The following NEK1 variants were observed in gnomAD, a reference collection of about 807,000 sequenced individuals.
NEK1 encodes the protein NIMA related kinase 1.
NEK1 carries 137 observed loss-of-function variants against 182.1 expected under a neutral mutation model. The ratio of observed to expected loss-of-function variants is 0.75; its 90% CI spans 0.65 to 0.87. The LOEUF (loss-of-function observed/expected upper bound fraction) is 0.87, where lower values mean the gene tolerates loss of function less well. Ranked by LOEUF, NEK1 falls within the 40% of genes least tolerant of loss-of-function variation. The pLI is 0.00. For synonymous variants in NEK1, 513 were observed against 492.2 expected, an observed-to-expected ratio of 1.04 and a Z score of -0.56; for missense variants, 1,391 against 1,494.4, an observed-to-expected ratio of 0.93 and a Z score of 1.14.
At chr4:169,515,441 C>T (rs934295484) in intron 19 of NEK1, among the ~76,000 whole-genome samples, 3 of 150,290 alleles carry the variant, frequency 2.0e-5, no homozygotes, top group Admixed American at 2.0e-4. Flanking sequence ...TTAGTTTCTG[C>T]TCTCTATATT....
intron 18 of NEK1, among the ~76,000 whole-genome samples, chr4:169,550,712 T>C (rs1319953867): frequency 1.3e-5 from 2 of 152,224 alleles, no homozygotes; most frequent in Non-Finnish European, 2.9e-5. Flanking sequence ...TCCATTATAT[T>C]GTGGATTCAT....
Position 169,505,362 on chromosome 4 carries a change from T to G in NEK1, c.2007+1675A>C, listed in dbSNP as rs188367728. 2.5e-4 allele frequency among the ~76,000 whole-genome samples: 38 copies of G among 152,252 alleles called. 2 individuals are homozygous for G. Among genetic ancestry groups the G allele is most frequent in the African/African-American group, 8.9e-4 (37 of 41,536 alleles). On this transcript the variant is annotated intron_variant, in intron 23 of 35. Coordinates refer to ENST00000507142, the MANE Select transcript of NEK1 (RefSeq NM_001199397.3). ...AGCCTACTCCACCTGAAGATGAGCATGAAGACCTTTATGATGATCCACTTC... is the reference window on the plus strand; with the variant it reads ...AGCCTACTCCACCTGAAGATGAGCAGGAAGACCTTTATGATGATCCACTTC...
At chr4:169,566,657 G>T (rs771326519) in intron 12 of NEK1, among the ~76,000 whole-genome samples, 2 of 152,152 alleles carry the variant, frequency 1.3e-5, no homozygotes, top group Non-Finnish European at 2.9e-5. Context: ...TTAAATTTGT[G>T]CAATTAAAAC....
At chr4:169,555,882 T>C (rs769914538) in intron 17 of NEK1, 31 bp from the exon 18 acceptor site, 3 of 1,613,504 alleles carry the variant, frequency 1.9e-6, no homozygotes, top group Admixed American at 3.3e-5. Context: ...TGACTTTCAT[T>C]ACTATCTCAG....
At chr4:169,545,535 G>C (rs1472686479) in intron 18 of NEK1, among the ~76,000 whole-genome samples, 1 of 149,644 alleles carries the variant, frequency 6.7e-6, no homozygotes, top group African/African-American at 2.5e-5. Context: ...CTTTATAGCA[G>C]CATGATTTAT....
chr4:169,438,603 C>T (rs1738854347), intron 27 of NEK1, among the ~76,000 whole-genome samples: 9 of 152,138 alleles, frequency 5.9e-5, no homozygotes, highest in Admixed American at 5.9e-4. Flanking sequence ...AAATTCTCCA[C>T]ACTAAGGAGA....
At chr4:169,476,366 T>G (rs2149545711) in intron 26 of NEK1, among the ~76,000 whole-genome samples, 1 of 152,248 alleles carries the variant, frequency 6.6e-6, no homozygotes, top group East Asian at 1.9e-4. Context: ...CTTGCCTGCC[T>G]TTCCACTAGA....
At chr4:169,542,510 T>C (rs965664634) in intron 18 of NEK1, among the ~76,000 whole-genome samples, 2 of 152,240 alleles carry the variant, frequency 1.3e-5, no homozygotes, top group South Asian at 2.1e-4. Context: ...CCTTTGGGTA[T>C]ATACCCAGTA....
Position 169,392,820 on chromosome 4 carries a change from G to A in NEK1, c.*1690C>T, listed in dbSNP as rs1733636489. 1 of 152,116 alleles carries A rather than the reference G, an allele frequency of 6.6e-6. No individual in the cohort carries two copies. The highest frequency in any genetic ancestry group is 1.5e-5 in the Non-Finnish European group (1 of 68,020). 9.4% of individuals were successfully genotyped at this position (152,116 alleles called of 1,614,324 possible). On this transcript the variant is annotated 3_prime_UTR_variant, in exon 36 of 36. Coordinates refer to ENST00000507142, the MANE Select transcript of NEK1 (RefSeq NM_001199397.3). ...AAGTTATCCTGATAGCCCATTTAAT[G>A]CTAACATTTATTAATCTACAGATGC...
chr4:169,452,299 T>C (rs1036315830), intron 27 of NEK1, among the ~76,000 whole-genome samples: 1 of 152,082 alleles, frequency 6.6e-6, no homozygotes, highest in South Asian at 2.1e-4. Context: ...AAAGAGGGAA[T>C]CCTCCCTAAC....
intron 19 of NEK1, among the ~76,000 whole-genome samples, chr4:169,527,921 A>G (rs1757124693): frequency 6.6e-6 from 1 of 152,166 alleles, no homozygotes; most frequent in Admixed American, 6.5e-5. Context: ...TAAAAAAACT[A>G]TAAATTCACT....
chr4:169,590,538 A>C (rs891081548), intron 6 of NEK1, among the ~76,000 whole-genome samples, 188 bp downstream of exon 6: 13 of 152,048 alleles, frequency 8.5e-5, no homozygotes, highest in Non-Finnish European at 1.2e-4. Flanking sequence ...CTGGGAAGGA[A>C]AGTAATTTTT....
intron 19 of NEK1, among the ~76,000 whole-genome samples, chr4:169,515,234 G>A (rs7669099): frequency 0.19 from 28,155 of 152,006 alleles, 2,733 homozygotes; most frequent in African/African-American, 0.24. Flanking sequence ...TTTTTGATGG[G>A]TGCTTAAAAT....
intron 18 of NEK1, among the ~76,000 whole-genome samples, chr4:169,547,848 G>A (rs902400327): frequency 6.6e-6 from 1 of 152,046 alleles, no homozygotes; most frequent in African/African-American, 2.4e-5. Context: ...CTTTAAACTG[G>A]TTATTCTAGT....
At chr4:169,523,542 C>T (rs1250465824) in intron 19 of NEK1, among the ~76,000 whole-genome samples, 2 of 152,164 alleles carry the variant, frequency 1.3e-5, no homozygotes, top group Non-Finnish European at 2.9e-5. Context: ...AACAGATTCT[C>T]CCTCAAAGCC....
chr4:169,476,419 T>C (rs1364172921), intron 26 of NEK1, among the ~76,000 whole-genome samples: 2 of 152,138 alleles, frequency 1.3e-5, no homozygotes. Context: ...TAAACATTAT[T>C]ATATTCCCAT....
chr4:169,491,921 C>G (rs543422892), intron 23 of NEK1, among the ~76,000 whole-genome samples: 15 of 152,250 alleles, frequency 9.9e-5, no homozygotes, highest in Admixed American at 6.5e-4. Context: ...AAATTGTTAT[C>G]AGCTTAAAAT....
chr4:169,413,845 C>T (rs886742897), intron 31 of NEK1, among the ~76,000 whole-genome samples: 4 of 152,106 alleles, frequency 2.6e-5, no homozygotes, highest in East Asian at 1.9e-4. Flanking sequence ...GGTGAAACTC[C>T]GTCTCCACTA....
chr4:169,547,767 T>C (rs976834100), intron 18 of NEK1, among the ~76,000 whole-genome samples: 2 of 152,242 alleles, frequency 1.3e-5, no homozygotes, highest in Non-Finnish European at 2.9e-5. Flanking sequence ...GATTCGGCTA[T>C]TGATACTTGT....
Sources: allele counts gnomAD v4.1 joint callset (sites outside exome capture counted in the v4.1 genomes callset), GRCh38; gene constraint gnomAD v4.1.1; transcripts MANE v1.5; gene names NCBI Gene and HGNC (gene_info 2026-07-23, HGNC 2026-07-21).